Variants in OBP2B observed in about 807,000 individuals in gnomAD.
OBP2B encodes odorant binding protein 2B, also known as odorant-binding protein 2b.
OBP2B carries 10 observed loss-of-function variants against 21.7 expected under a neutral mutation model. The observed-to-expected ratio is 0.46, with a 90% CI of 0.28 to 0.78. OBP2B has a LOEUF of 0.78. OBP2B is among the 30% of genes least tolerant of loss of function. The pLI is 0.11. For missense variants in OBP2B, 153 were observed against 217.7 expected (o/e 0.70, Z 1.87); for synonymous variants, 73 against 91.5 (o/e 0.80, Z 1.16).
chr9:133,212,238 T>C (rs569800233), upstream of OBP2B, among the ~76,000 whole-genome samples: 21 of 152,332 alleles, frequency 1.4e-4, no homozygotes, highest in African/African-American at 4.6e-4. Flanking sequence ...ACAATTATAG[T>C]TGGAGACTTC....
the OBP2B span, among the ~76,000 whole-genome samples, chr9:133,221,378 TG>T: frequency 6.6e-6 from 1 of 152,312 alleles, no homozygotes; most frequent in South Asian, 2.1e-4. Context: ...GTGTGCAGAT[TG>T]CTTGGGTGTG....
the OBP2B span, among the ~76,000 whole-genome samples, chr9:133,220,383 G>C: frequency 0.047 from 7,109 of 152,302 alleles, 294 homozygotes; most frequent in Non-Finnish European, 0.066. Context: ...CGCTCCATTA[G>C]GACACATCAC....
At chr9:133,213,169 G>T (rs1777259134), upstream of OBP2B, among the ~76,000 whole-genome samples, 1 of 152,122 alleles carries the variant, frequency 6.6e-6, no homozygotes, top group Non-Finnish European at 1.5e-5. Context: ...CAACCCAGGA[G>T]GTGGAGGTTG....
At chr9:133,218,286 CG>C in the OBP2B span, among the ~76,000 whole-genome samples, 1 of 152,118 alleles carries the variant, frequency 6.6e-6, no homozygotes, top group African/African-American at 2.4e-5. Context: ...CCAGGGAGAC[CG>C]GCCACACATG....
At chr9:133,209,523 C>T (rs1210007410), upstream of OBP2B, among the ~76,000 whole-genome samples, 1 of 152,192 alleles carries the variant, frequency 6.6e-6, no homozygotes, top group Non-Finnish European at 1.5e-5. This position sits in a 1 kb window ranked among gnomAD's most constrained non-coding sequence, Gnocchi z 6.0. Flanking sequence ...TCCATCTGCA[C>T]CCCAAGCCAC....
At chr9:133,208,409 G>A (rs1176126369) in intron 2 of OBP2B, 60 bp downstream of exon 2, 1 of 1,594,460 alleles carries the variant, frequency 6.3e-7, no homozygotes, top group African/African-American at 1.3e-5. Context: ...ATGGGCACCA[G>A]GTGGATCTGG....
chr9:133,207,773 C>T (rs1338454066), intron 3 of OBP2B: 3 of 1,082,436 alleles, frequency 2.8e-6, no homozygotes, highest in Admixed American at 4.4e-5. Context: ...CCTCCCCATC[C>T]TTAACCCTCA....
chr9:133,211,970 T>C (rs1833921140), upstream of OBP2B, among the ~76,000 whole-genome samples: 1 of 152,134 alleles, frequency 6.6e-6, no homozygotes. Flanking sequence ...TTACTTCAAA[T>C]GTAACAATAG....
At chr9:133,206,068 G>A (rs1373228300) in intron 5 of OBP2B, 128 bp from the exon 6 acceptor site, 11 of 1,129,066 alleles carry the variant, frequency 9.7e-6, no homozygotes, top group Non-Finnish European at 1.4e-5. Context: ...AGACCCCATC[G>A]CAGCCCAGAG....
chr9:133,212,272 A>G (rs75646452), upstream of OBP2B, among the ~76,000 whole-genome samples: 1,208 of 152,362 alleles, frequency 7.9e-3, 15 homozygotes, highest in African/African-American at 0.028. Context: ...CAGAGCAACT[A>G]GACAGAAAAC....
rs782172564 is a variant in OBP2B at position 133,207,254 on chromosome 9, C to A, written c.360G>T (p.Gly120=). 1.9e-6 allele frequency: 3 copies of A among 1,613,908 alleles called. No individual in the cohort carries two copies. In the South Asian group the frequency reaches 3.3e-5, roughly 18 times the overall value. The change falls in exon 4 of 7, where the codon GGG becomes GGT. Residue 120 remains glycine, a synonymous_variant. Coordinates refer to ENST00000372034, the MANE Select transcript of OBP2B (RefSeq NM_014581.4). ...YIFYCKDQHH[G]GLLHMGKLVG... ...CAAGCTTTCCCATGTGGAGCAGGCC[C>A]CCATGGTGCTGGTCTTTGCAGTAAA... is the stretch of plus-strand genomic sequence containing the variant.
At chr9:133,207,968 T>A in intron 3 of OBP2B, 165 bp downstream of exon 3, 1 of 1,530,710 alleles carries the variant, frequency 6.5e-7, no homozygotes, top group African/African-American at 1.4e-5. Context: ...GTGTCTGATG[T>A]CAGGGCCACC....
upstream of OBP2B, among the ~76,000 whole-genome samples, chr9:133,212,752 G>A (rs1429927833): frequency 6.6e-6 from 1 of 150,808 alleles, no homozygotes; most frequent in East Asian, 2.0e-4. Context: ...CCAACATGGC[G>A]AAAACCCATC....
chr9:133,212,002 A>G (rs1833921568), upstream of OBP2B, among the ~76,000 whole-genome samples: 1 of 152,242 alleles, frequency 6.6e-6, no homozygotes, highest in South Asian at 2.1e-4. Flanking sequence ...AAGTAAAAAC[A>G]TGAAAAAAGA....
chr9:133,212,901 C>A (rs1159498565), upstream of OBP2B, among the ~76,000 whole-genome samples: 1 of 151,828 alleles, frequency 6.6e-6, no homozygotes. Context: ...GCACTCCAGC[C>A]TGGGTGACAG....
chr9:133,206,504 C>A, intron 4 of OBP2B, 88 bp from the exon 5 acceptor site: 1 of 1,550,064 alleles, frequency 6.5e-7, no homozygotes, highest in East Asian at 2.3e-5. Flanking sequence ...GACCACGGCC[C>A]AGCACCAGGA....
the OBP2B span, among the ~76,000 whole-genome samples, chr9:133,221,925 T>G: frequency 1.3e-5 from 2 of 151,950 alleles, no homozygotes; most frequent in Non-Finnish European, 2.9e-5. Flanking sequence ...CGGGGCAGAA[T>G]CACCCCCTCC....
intron 3 of OBP2B, among the ~76,000 whole-genome samples, chr9:133,207,548 G>T (rs1360438479): frequency 6.6e-6 from 1 of 152,142 alleles, no homozygotes; most frequent in Non-Finnish European, 1.5e-5. Flanking sequence ...GCCAGAGCAC[G>T]TCCAGGACTA....
At chr9:133,212,688 T>C (rs1833928336), upstream of OBP2B, among the ~76,000 whole-genome samples, 1 of 152,212 alleles carries the variant, frequency 6.6e-6, no homozygotes. Context: ...TCCAGCACTT[T>C]GGGAGGCCCA....
Sources: allele counts gnomAD v4.1 joint callset (sites outside exome capture counted in the v4.1 genomes callset), GRCh38; gene constraint gnomAD v4.1.1; non-coding constraint Gnocchi (gnomAD v3.1); transcripts MANE v1.5; gene names NCBI Gene and HGNC (gene_info 2026-07-23, HGNC 2026-07-21).